WDR4: variants seen among roughly 807,000 people sequenced by gnomAD.
WDR4 encodes the protein tRNA (guanine-N(7)-)-methyltransferase non-catalytic subunit WDR4.
WDR4 carries 47 observed loss-of-function variants against 48.6 expected under a neutral mutation model. That is an observed-to-expected ratio of 0.97 (90% CI 0.77 to 1.23). The LOEUF is 1.23. WDR4 is among the 50% of genes most tolerant of loss of function. The pLI is 0.00. For synonymous variants in WDR4, 268 were observed against 230.0 expected (o/e 1.17, Z -1.49); for missense variants, 606 against 551.6 (o/e 1.10, Z -0.99).
intron 9 of WDR4, among the ~76,000 whole-genome samples, chr21:42,852,725 G>C (rs1602694852): frequency 6.6e-6 from 1 of 152,190 alleles, no homozygotes; most frequent in South Asian, 2.1e-4. Flanking sequence ...AGACCAGCCT[G>C]ACCAACATGG....
rs2057972826 is a variant in WDR4, at chr21:42,855,735, G to A, written c.673C>T (p.His225Tyr). Reference sequence around the variant, plus strand: ...TGCAGACTGGCCAGGTGACAGCAGTGCAGCTGGCGGCCGCTCCTGTACTCC... The same window carrying A: ...TGCAGACTGGCCAGGTGACAGCAGTACAGCTGGCGGCCGCTCCTGTACTCC... The part of the protein sequence containing the change: ...LWEYRSGRQL[H>Y]CCHLASLQEL... Residue 225 changes from histidine to tyrosine, a missense_variant, in exon 7 of 11, where the codon CAC (histidine) becomes TAC (tyrosine). Transcript: ENST00000398208. 2.6e-6 allele frequency: 4 copies of A among 1,554,146 alleles called. No individual in the cohort carries two copies. Among genetic ancestry groups the A allele is most frequent in the African/African-American group, 2.7e-5 (2 of 73,220 alleles).
chr21:42,850,545 C>T (rs1569311696), intron 10 of WDR4, among the ~76,000 whole-genome samples: 1 of 152,208 alleles, frequency 6.6e-6, no homozygotes, highest in Non-Finnish European at 1.5e-5. Flanking sequence ...GAGAAAGCCA[C>T]TACTGCACCA....
the WDR4 span, among the ~76,000 whole-genome samples, chr21:42,890,337 C>T: frequency 4.6e-5 from 7 of 152,038 alleles, no homozygotes; most frequent in Non-Finnish European, 8.8e-5. Context: ...AGTTCGAGAC[C>T]AGCTTGACCA....
the WDR4 span, among the ~76,000 whole-genome samples, chr21:42,887,691 G>T: frequency 1.3e-5 from 2 of 152,158 alleles, no homozygotes; most frequent in Non-Finnish European, 2.9e-5. Context: ...TGTGGTCTCT[G>T]TTTCTGTATA....
chr21:42,846,121 T>C (rs1364570391), downstream of WDR4, among the ~76,000 whole-genome samples: 2 of 151,528 alleles, frequency 1.3e-5, no homozygotes, highest in African/African-American at 4.9e-5. Flanking sequence ...CAAGACCCTG[T>C]CTCTAAAAAT....
the WDR4 span, among the ~76,000 whole-genome samples, chr21:42,891,026 A>C: frequency 0.017 from 2,538 of 152,284 alleles, 67 homozygotes; most frequent in African/African-American, 0.056. Flanking sequence ...CACTTCCTTC[A>C]AAAACCATCA....
chr21:42,848,237 C>G (rs17115514), downstream of WDR4, among the ~76,000 whole-genome samples: 731 of 152,266 alleles, frequency 4.8e-3, 5 homozygotes, highest in African/African-American at 0.017. Context: ...CCGGCCTGAA[C>G]GAATTAAGTG....
intron 3 of WDR4, among the ~76,000 whole-genome samples, chr21:42,868,441 A>C (rs1264992061): frequency 6.6e-6 from 1 of 152,196 alleles, no homozygotes; most frequent in African/African-American, 2.4e-5. Flanking sequence ...TCAAGACACG[A>C]GTGAGCTCCC....
chr21:42,878,658 G>A (rs996678931), intron 1 of WDR4, among the ~76,000 whole-genome samples: 1 of 152,158 alleles, frequency 6.6e-6, no homozygotes, highest in Non-Finnish European at 1.5e-5. Context: ...TAATTGCTCC[G>A]AGAGTCCTGA....
rs1464176865 is a variant in WDR4 at position 42,854,622 on chromosome 21, A to G, written c.731T>C (p.Phe244Ser). 6.2e-7 allele frequency: 1 copy of G among 1,613,588 alleles called. No individual in the cohort carries two copies. The highest frequency in any genetic ancestry group is 1.1e-5 in the South Asian group (1 of 90,940). The change falls in exon 8 of 11, where the codon TTT (phenylalanine) becomes TCT (serine). Residue 244 changes from phenylalanine to serine, a missense_variant. Phe to Ser is a radical substitution (Grantham distance 155, BLOSUM62 -2). Transcript: ENST00000398208. ...CCAGAATGCAATCCTGGACGCGGCA[A>G]ACTTCTAAAAGGAGAAGAAGCCCAT... ...ELVDPQAPQK[F>S]AASRIAFWCQ...
At chr21:42,847,509 C>A (rs1248164101), downstream of WDR4, among the ~76,000 whole-genome samples, 1 of 152,158 alleles carries the variant, frequency 6.6e-6, no homozygotes, top group East Asian at 1.9e-4. Context: ...AAGCCAACCC[C>A]GCTGGGGAAG....
In WDR4 at chr21:42,862,613, C is replaced by A. The variant is rs1158891046; in HGVS notation, c.454-219G>T. On this transcript the variant is annotated intron_variant, in intron 4 of 10. Coordinates refer to ENST00000398208, the MANE Select transcript of WDR4 (RefSeq NM_018669.6). The surrounding 1 kb of genome is among the most constrained non-coding windows in gnomAD (Gnocchi z 4.3). ...GGTCCCTGGCCACCTCTAGCCCTCA[C>A]TCCTCAGTGCTAGAGCAGGCTTCTG... 6.6e-6 allele frequency among the ~76,000 whole-genome samples: 1 copy of A among 152,176 alleles called. No individual in the cohort carries two copies. Among genetic ancestry groups the A allele is most frequent in the Non-Finnish European group, 1.5e-5 (1 of 68,006 alleles).
chr21:42,879,202 C>T, intron 1 of WDR4: 1 of 1,332,654 alleles, frequency 7.5e-7, no homozygotes, highest in Non-Finnish European at 9.6e-7. Context: ...GAGCGGACGC[C>T]GAGAGCGGAC....
intron 1 of WDR4, 31 bp from the exon 2 acceptor site, chr21:42,876,798 A>T: frequency 6.3e-7 from 1 of 1,588,786 alleles, no homozygotes; most frequent in Non-Finnish European, 8.6e-7. Context: ...TTTTAAAAGG[A>T]GTTATCATTA....
chr21:42,850,339 TC>T, intron 10 of WDR4, 97 bp from the exon 11 acceptor site: 1 of 1,161,938 alleles, frequency 8.6e-7, no homozygotes, highest in Non-Finnish European at 1.2e-6. Flanking sequence ...ACCTCGTGAC[TC>T]CCAGAGTCCT....
At chr21:42,889,930 T>G in the WDR4 span, among the ~76,000 whole-genome samples, 1 of 152,180 alleles carries the variant, frequency 6.6e-6, no homozygotes, top group African/African-American at 2.4e-5. Context: ...TAAAACACAA[T>G]TTTAGGCCCA....
intron 2 of WDR4, among the ~76,000 whole-genome samples, chr21:42,874,877 T>C (rs1239741290): frequency 1.3e-5 from 2 of 152,124 alleles, no homozygotes; most frequent in Admixed American, 1.3e-4. Flanking sequence ...CCTCGTGATA[T>C]TCTATTACCT....
At chr21:42,869,714 G>A (rs2058326653) in intron 3 of WDR4, among the ~76,000 whole-genome samples, 1 of 152,052 alleles carries the variant, frequency 6.6e-6, no homozygotes, top group Non-Finnish European at 1.5e-5. Context: ...AGTATATAAA[G>A]AGTTGCTCTT....
At chr21:42,870,243 C>T (rs2058341323) in intron 3 of WDR4, among the ~76,000 whole-genome samples, 1 of 152,006 alleles carries the variant, frequency 6.6e-6, no homozygotes, top group African/African-American at 2.4e-5. Context: ...CTCAGCTGCT[C>T]GGGAGGCGGA....
Sources: allele counts gnomAD v4.1 joint callset (sites outside exome capture counted in the v4.1 genomes callset), GRCh38; gene constraint gnomAD v4.1.1; non-coding constraint Gnocchi (gnomAD v3.1); transcripts MANE v1.5; gene names NCBI Gene and HGNC (gene_info 2026-07-23, HGNC 2026-07-21).